The following KCNIP1 variants were observed in gnomAD, a reference collection of about 807,000 sequenced individuals.
KCNIP1 encodes A-type potassium channel modulatory protein KCNIP1.
Under a neutral mutation model 33.0 loss-of-function variants are expected in KCNIP1, and 18 were observed. That is an observed-to-expected ratio of 0.55 (90% CI 0.38 to 0.81). The LOEUF (loss-of-function observed/expected upper bound fraction) is 0.81. Ranked by LOEUF, KCNIP1 falls within the 30% of genes least tolerant of loss-of-function variation. KCNIP1 has a pLI of 0.00. For missense variants in KCNIP1, 238 were observed against 271.6 expected (o/e 0.88, Z 0.87); for synonymous variants, 93 against 98.3 (o/e 0.95, Z 0.32).
intron 5 of KCNIP1, among the ~76,000 whole-genome samples, chr5:170,731,447 A>T (rs1208683537): frequency 6.6e-6 from 1 of 152,194 alleles, no homozygotes; most frequent in Non-Finnish European, 1.5e-5. Flanking sequence ...TCATGCCTAT[A>T]ATCCCAGCAC....
At chr5:170,482,505 T>C (rs535858870) in intron 1 of KCNIP1, among the ~76,000 whole-genome samples, 1 of 152,324 alleles carries the variant, frequency 6.6e-6, no homozygotes, top group South Asian at 2.1e-4. Context: ...ATTTTACTTT[T>C]GGGGAAACCA....
chr5:170,376,991 T>C (rs1764029610), intron 1 of KCNIP1: 1 of 152,226 alleles, frequency 6.6e-6, no homozygotes, highest in South Asian at 2.1e-4. Flanking sequence ...AGAGTCCTTC[T>C]TTTATAGATG....
At chr5:170,426,266 CACACACAA>C (rs1209550906) in intron 1 of KCNIP1, among the ~76,000 whole-genome samples, 57 of 152,076 alleles carry the variant, frequency 3.7e-4, no homozygotes, top group African/African-American at 1.4e-3. Flanking sequence ...CACACACACA[CACACACAA>C]ACACACACAC....
intron 1 of KCNIP1, among the ~76,000 whole-genome samples, chr5:170,402,986 G>A (rs778258548): frequency 1.3e-5 from 2 of 152,328 alleles, no homozygotes; most frequent in South Asian, 2.1e-4. Context: ...GGTGCCCCTC[G>A]TTCACGTACG....
chr5:170,430,175 A>G (rs1755708855), intron 1 of KCNIP1, among the ~76,000 whole-genome samples: 1 of 152,224 alleles, frequency 6.6e-6, no homozygotes, highest in Admixed American at 6.5e-5. Context: ...GTGGACAGTA[A>G]GCATCTGTTG....
intron 1 of KCNIP1, among the ~76,000 whole-genome samples, chr5:170,643,129 T>G (rs1760643120): frequency 6.6e-6 from 1 of 152,158 alleles, no homozygotes; most frequent in African/African-American, 2.4e-5. Flanking sequence ...GAGATTTTGC[T>G]ACAGAAGAGG....
chr5:170,602,377 C>A (rs981397342), intron 1 of KCNIP1, among the ~76,000 whole-genome samples: 2 of 152,248 alleles, frequency 1.3e-5, no homozygotes, highest in African/African-American at 4.8e-5. Context: ...ACAGGAACAG[C>A]TGATCCCTGG....
intron 1 of KCNIP1, among the ~76,000 whole-genome samples, chr5:170,458,732 C>G (rs1561635609): frequency 6.6e-6 from 1 of 152,260 alleles, no homozygotes; most frequent in East Asian, 1.9e-4. Flanking sequence ...GGAAACACAT[C>G]AAAACAGAAC....
chr5:170,653,462 G>C (rs2113728262), intron 1 of KCNIP1, among the ~76,000 whole-genome samples: 1 of 152,120 alleles, frequency 6.6e-6, no homozygotes, highest in South Asian at 2.1e-4. Context: ...TTGAAACTTG[G>C]TTTTGGGCAA....
At chr5:170,681,281 C>T (rs1246453701) in intron 1 of KCNIP1, 2 of 395,162 alleles carry the variant, frequency 5.1e-6, no homozygotes, top group Non-Finnish European at 8.9e-6. Context: ...GGCGGAGACC[C>T]GAGAGATTTG....
chr5:170,718,721 A>G (rs897056042), intron 1 of KCNIP1, 37 bp from the exon 2 acceptor site: 3 of 1,612,678 alleles, frequency 1.9e-6, no homozygotes, highest in Non-Finnish European at 2.5e-6. Context: ...ATGACTCCCA[A>G]GCTCAACCAT....
chr5:170,432,854 C>T (rs1025252218), intron 1 of KCNIP1, among the ~76,000 whole-genome samples: 1 of 152,122 alleles, frequency 6.6e-6, no homozygotes, highest in African/African-American at 2.4e-5. Context: ...TTGACATGAC[C>T]AGAAGAATAA....
chr5:170,581,330 A>G (rs748409217), intron 1 of KCNIP1, among the ~76,000 whole-genome samples: 4 of 152,248 alleles, frequency 2.6e-5, no homozygotes, highest in Non-Finnish European at 5.9e-5. Flanking sequence ...AGTTGAGCTC[A>G]CAATTAGTTC....
At chr5:170,659,141 C>G (rs1761381679) in intron 1 of KCNIP1, among the ~76,000 whole-genome samples, 1 of 151,806 alleles carries the variant, frequency 6.6e-6, no homozygotes, top group African/African-American at 2.4e-5. Context: ...CTAATATGAG[C>G]TAGTCTTCTC....
At chr5:170,563,559 T>C (rs1272552020) in intron 1 of KCNIP1, among the ~76,000 whole-genome samples, 1 of 152,194 alleles carries the variant, frequency 6.6e-6, no homozygotes, top group Non-Finnish European at 1.5e-5. Flanking sequence ...ATCTTACCTT[T>C]GTGTAAGAAT....
At chr5:170,546,411 CA>C (rs1322725623) in intron 1 of KCNIP1, among the ~76,000 whole-genome samples, 4 of 152,204 alleles carry the variant, frequency 2.6e-5, no homozygotes, top group African/African-American at 9.7e-5. Flanking sequence ...TTAAAGCCAA[CA>C]GTCACTTGGC....
chr5:170,472,571 C>T (rs1280186371), intron 1 of KCNIP1, among the ~76,000 whole-genome samples: 1 of 149,940 alleles, frequency 6.7e-6, no homozygotes. Context: ...TCTTTTATCC[C>T]TCGCCCCCCT....
chr5:170,429,191 A>T (rs1271138778), intron 1 of KCNIP1, among the ~76,000 whole-genome samples: 1 of 152,130 alleles, frequency 6.6e-6, no homozygotes, highest in Non-Finnish European at 1.5e-5. Flanking sequence ...TTCCTTCAGC[A>T]ACCCTGTTCT....
At chr5:170,451,083 T>G (rs2113072419) in intron 1 of KCNIP1, among the ~76,000 whole-genome samples, 1 of 152,346 alleles carries the variant, frequency 6.6e-6, no homozygotes, top group African/African-American at 2.4e-5. Flanking sequence ...CCTCACAGTT[T>G]GTCTCCTGTT....
Sources: gnomAD v4.1 joint callset for allele counts (sites outside exome capture counted in the v4.1 genomes callset) on GRCh38, gnomAD v4.1.1 for gene constraint, MANE v1.5 for transcripts, NCBI Gene and HGNC (gene_info 2026-07-23, HGNC 2026-07-21) for gene names.